The following DENND4C variants were observed in gnomAD, a reference collection of about 807,000 sequenced individuals.
DENND4C encodes the protein DENN domain-containing protein 4C.
In DENND4C, 108 loss-of-function variants were observed where a neutral mutation model predicts 203.0. The observed-to-expected ratio is 0.53, with a 90% CI of 0.46 to 0.62. DENND4C has a LOEUF of 0.62. Ranked by LOEUF, DENND4C falls within the 20% of genes least tolerant of loss-of-function variation. DENND4C has a pLI of 0.00. For missense variants in DENND4C, 2,481 were observed against 2,301.2 expected, an observed-to-expected ratio of 1.08 and a Z score of -1.60; for synonymous variants, 871 against 792.4, an observed-to-expected ratio of 1.10 and a Z score of -1.67.
intron 20 of DENND4C, chr9:19,337,689 T>G (rs888027782): frequency 1.2e-5 from 15 of 1,286,492 alleles, no homozygotes; most frequent in Admixed American, 4.6e-5. Flanking sequence ...TCCCATTTAT[T>G]AGGTTAAATT....
intron 26 of DENND4C, among the ~76,000 whole-genome samples, chr9:19,354,997 C>T (rs577406071): frequency 1.3e-4 from 20 of 151,714 alleles, no homozygotes; most frequent in African/African-American, 4.8e-4. Context: ...GCAAGCCCCA[C>T]CTCCCAGGTT....
At chr9:19,243,983 A>T (rs12554867) in intron 1 of DENND4C, among the ~76,000 whole-genome samples, 40,032 of 151,322 alleles carry the variant, frequency 0.26, 5,882 homozygotes, top group African/African-American at 0.4. Context: ...GGTAATTTTT[A>T]AAAATTTTTT....
chr9:19,246,968 C>G (rs1412821994), intron 1 of DENND4C, among the ~76,000 whole-genome samples: 2 of 152,124 alleles, frequency 1.3e-5, no homozygotes, highest in Non-Finnish European at 2.9e-5. Context: ...CTCTAAGATT[C>G]CATTTTTTCC....
chr9:19,369,408 T>G (rs2132334559), intron 30 of DENND4C, among the ~76,000 whole-genome samples: 1 of 152,250 alleles, frequency 6.6e-6, no homozygotes, highest in East Asian at 1.9e-4. Flanking sequence ...CCACATAATT[T>G]TACTAGTAGT....
At chr9:19,351,815 A>G (rs111924398) in intron 24 of DENND4C, among the ~76,000 whole-genome samples, 5 of 147,610 alleles carry the variant, frequency 3.4e-5, no homozygotes, top group African/African-American at 5.4e-5. Context: ...TAAAAAAAAA[A>G]AAAAGAAAAG....
Position 19,307,078 on chromosome 9 carries a change from C to T in DENND4C, c.1487+1551C>T, listed in dbSNP as rs1046520770. ...GGATTACAGGCATGAGCCACTGTGC[C>T]CGGCATGCTCAATTGTGTTTAAAGA... On this transcript the variant is annotated intron_variant, in intron 10 of 32. Coordinates refer to ENST00000434457, the MANE Select transcript of DENND4C (RefSeq NM_001330640.2). Among the ~76,000 whole-genome samples, 4 of 151,984 alleles carry T rather than the reference C, an allele frequency of 2.6e-5. No individual in the cohort carries two copies. In the East Asian group the frequency reaches 7.7e-4, roughly 29 times the overall value.
At chr9:19,261,471 C>T (rs77886446) in intron 1 of DENND4C, among the ~76,000 whole-genome samples, 10,107 of 142,096 alleles carry the variant, frequency 0.071, 666 homozygotes, top group African/African-American at 0.18. Flanking sequence ...TTTTAAACAA[C>T]TTTGAGTCTT....
chr9:19,316,969 A>G (rs1841959654), intron 12 of DENND4C, 130 bp downstream of exon 12: 2 of 823,382 alleles, frequency 2.4e-6, no homozygotes, highest in African/African-American at 1.7e-5. Context: ...ACCTCCATGT[A>G]TTTGTAACCT....
At chr9:19,352,384 C>A in intron 25 of DENND4C, 106 bp from the exon 26 acceptor site, 1 of 1,208,450 alleles carries the variant, frequency 8.3e-7, no homozygotes, top group Non-Finnish European at 1.1e-6. Context: ...ATTAATAATT[C>A]CAAATTTGAT....
intron 20 of DENND4C, among the ~76,000 whole-genome samples, chr9:19,337,875 T>G (rs1820827244): frequency 6.6e-6 from 1 of 152,230 alleles, no homozygotes; most frequent in Non-Finnish European, 1.5e-5. Context: ...GTTTGTTATC[T>G]TATTTGAAAA....
intron 4 of DENND4C, among the ~76,000 whole-genome samples, chr9:19,290,086 TTG>T (rs1835984521): frequency 6.6e-6 from 1 of 152,188 alleles, no homozygotes; most frequent in African/African-American, 2.4e-5. Flanking sequence ...GGTCTATATA[TTG>T]ATGACCTTAG....
At position 19,374,055 on chromosome 9, in the gene DENND4C, CACTT is replaced by C. The variant is rs1829275978; in HGVS notation, c.*1886_*1889del. Among the ~76,000 whole-genome samples the C allele has an allele frequency of 6.6e-6, 1 of 152,250 alleles. No individual in the cohort carries two copies. Among genetic ancestry groups the C allele is most frequent in the Admixed American group, 6.5e-5 (1 of 15,286 alleles). ...ACTTGGTACTAGTTTTAATACTTAA[CACTT>C]ACTGACCCAACAGAAGTTTGGAATT... On this transcript the variant is annotated 3_prime_UTR_variant, in exon 33 of 33. Coordinates refer to ENST00000434457, the MANE Select transcript of DENND4C (RefSeq NM_001330640.2).
chr9:19,262,076 CTTTTTTTTTTTTTTTTT>C (rs60223074), intron 1 of DENND4C, among the ~76,000 whole-genome samples: 16 of 55,446 alleles, frequency 2.9e-4, no homozygotes, highest in African/African-American at 7.9e-4. Context: ...TTTATTAGTT[CTTTTTTTTTTTTTTTTT>C]TTTTTTTTTT....
intron 3 of DENND4C, among the ~76,000 whole-genome samples, chr9:19,288,237 C>T (rs1308649355): frequency 6.6e-6 from 1 of 152,224 alleles, no homozygotes; most frequent in Non-Finnish European, 1.5e-5. Flanking sequence ...AGGGTTGCCT[C>T]TGGAGGTGAT....
chr9:19,331,151 A>T (rs1442540896), intron 16 of DENND4C, among the ~76,000 whole-genome samples: 1 of 152,148 alleles, frequency 6.6e-6, no homozygotes, highest in Non-Finnish European at 1.5e-5. Context: ...CCAGAACTAG[A>T]AAACATGACT....
At chr9:19,354,830 G>C (rs1825017109) in intron 26 of DENND4C, among the ~76,000 whole-genome samples, 1 of 151,638 alleles carries the variant, frequency 6.6e-6, no homozygotes, top group Non-Finnish European at 1.5e-5. Flanking sequence ...ACAGGCGTGA[G>C]CCACTGCACC....
rs892458977 is a variant in DENND4C, at chr9:19,347,104, G to A, written c.4317+18G>A. 1 of 1,595,966 alleles carries A rather than the reference G, an allele frequency of 6.3e-7. No homozygotes were observed. Among genetic ancestry groups the A allele is most frequent in the Non-Finnish European group, 8.6e-7 (1 of 1,166,918 alleles). ...ATGATGAGGTAAGAAAGCTTTATGT[G>A]TGTAGTCTGTCTGCTATTGGAGTGT... On this transcript the variant is annotated intron_variant, in intron 23 of 32. Transcript: ENST00000434457.
At chr9:19,328,814 C>T (rs1818447404) in intron 16 of DENND4C, among the ~76,000 whole-genome samples, 1 of 151,342 alleles carries the variant, frequency 6.6e-6, no homozygotes, top group South Asian at 2.1e-4. Flanking sequence ...TTTGGGAGGC[C>T]GAGGCAGGTG....
Position 19,350,674 on chromosome 9 carries a change from A to G in DENND4C, c.4318-28A>G, listed in dbSNP as rs773574323. 3 of 1,587,184 alleles carry G rather than the reference A, an allele frequency of 1.9e-6. No homozygotes were observed. In the South Asian group the frequency reaches 3.4e-5, roughly 18 times the overall value. ...CCACTGGAGAAGGTATTATTTATGT[A>G]TGTGGAATTTTTTTTTTTCAATTAA... is the stretch of plus-strand genomic sequence containing the variant. On this transcript the variant is annotated intron_variant, in intron 23 of 32. Transcript: ENST00000434457.
Sources: allele counts gnomAD v4.1 joint callset (sites outside exome capture counted in the v4.1 genomes callset), GRCh38; gene constraint gnomAD v4.1.1; transcripts MANE v1.5; gene names NCBI Gene and HGNC (gene_info 2026-07-23, HGNC 2026-07-21).